Variants in CSMD3 observed in about 807,000 individuals in gnomAD.
CSMD3 encodes the protein CUB and sushi domain-containing protein 3.
In CSMD3, 177 loss-of-function variants were observed where a neutral mutation model predicts 435.2. The ratio of observed to expected loss-of-function variants is 0.41; its 90% CI spans 0.36 to 0.46. The LOEUF is 0.46. CSMD3 is among the 20% of genes least tolerant of loss of function. The pLI is 0.34. For missense variants in CSMD3, 4,265 were observed against 4,504.6 expected, an observed-to-expected ratio of 0.95 and a Z score of 1.52; for synonymous variants, 1,656 against 1,520.5, an observed-to-expected ratio of 1.09 and a Z score of -2.07.
At chr8:112,603,120 C>T (rs566491705) in intron 22 of CSMD3, among the ~76,000 whole-genome samples, 1 of 152,322 alleles carries the variant, frequency 6.6e-6, no homozygotes, top group South Asian at 2.1e-4. Flanking sequence ...TCAGGTGATA[C>T]ACCCACCTCG....
intron 5 of CSMD3, among the ~76,000 whole-genome samples, chr8:113,056,376 C>T (rs1437064246): frequency 6.6e-6 from 1 of 152,144 alleles, no homozygotes; most frequent in Non-Finnish European, 1.5e-5. Flanking sequence ...CATACCAAAG[C>T]AGAGATAAAG....
At chr8:112,784,564 CAG>C (rs1450477620) in intron 13 of CSMD3, among the ~76,000 whole-genome samples, 1 of 151,690 alleles carries the variant, frequency 6.6e-6, no homozygotes, top group African/African-American at 2.4e-5. Flanking sequence ...CGAATAAAAT[CAG>C]AGATGGAAAA....
At chr8:112,459,468 A>C (rs1817221280) in intron 32 of CSMD3, among the ~76,000 whole-genome samples, 1 of 152,026 alleles carries the variant, frequency 6.6e-6, no homozygotes, top group African/African-American at 2.4e-5. Context: ...GGGAAGGGCC[A>C]GCGGCCAGAG....
rs143421046 is a variant in CSMD3 at position 112,999,831 on chromosome 8, A to G, written c.1030+19236T>C. Among the ~76,000 whole-genome samples the G allele has an allele frequency of 5.9e-3, 903 of 152,122 alleles. 4 individuals carry two copies. The highest frequency in any genetic ancestry group is 0.019 in the African/African-American group (802 of 41,550). On this transcript the variant is annotated intron_variant, in intron 6 of 70. Coordinates refer to ENST00000297405, the MANE Select transcript of CSMD3 (RefSeq NM_198123.2). Reference sequence around the variant, plus strand: ...TTTGTCCTGAATAAATGAGAAAAAAAAAGGTCATTTGCTGATATGAGAAAG... The same window carrying G: ...TTTGTCCTGAATAAATGAGAAAAAAGAAGGTCATTTGCTGATATGAGAAAG...
rs1343585411 is a variant in CSMD3 at position 112,408,343 on chromosome 8, A to T, written c.5580T>A (p.Ala1860=). The change falls in exon 34 of 71, where the codon GCT becomes GCA. Residue 1860 remains alanine, a synonymous_variant. Transcript: ENST00000297405. The part of the protein sequence containing the change: ...IRFTSVGPIT[A]KGFHFVYQAV... ...CTTGGTAAACAAAGTGAAATCCCTT[A>T]GCTGTTATTGGTCCAACTGAAGTAA... 6.2e-7 allele frequency: 1 copy of T among 1,609,272 alleles called. No individual in the cohort carries two copies.
In CSMD3 at chr8:113,340,584, G is replaced by A. The variant is rs376472620; in HGVS notation, c.179-25791C>T. On this transcript the variant is annotated intron_variant, in intron 1 of 70. Transcript: ENST00000297405. ...ATCTGTTCTATCATTTCTGATGAAA[G>A]GGTTTGTTTGCCAAGCATGGTGGTG... Among the ~76,000 whole-genome samples, 78 of 152,122 alleles carry A rather than the reference G, an allele frequency of 5.1e-4. 2 individuals carry two copies. In the South Asian group the frequency reaches 0.015, roughly 30 times the overall value.
In CSMD3 at chr8:112,827,941, T is replaced by G. The variant is rs1450701173; in HGVS notation, c.1859+1745A>C. Among the ~76,000 whole-genome samples, 3 of 152,170 alleles carry G rather than the reference T, an allele frequency of 2.0e-5. No homozygotes were observed. The East Asian group carries it at 5.8e-4, about 29-fold the overall frequency. On this transcript the variant is annotated intron_variant, in intron 12 of 70. Transcript: ENST00000297405. ...TACAAGAAGCCATAAATTCAAATTT[T>G]TACATGTAATTTTCAGTTCCTTAAA...
intron 13 of CSMD3, among the ~76,000 whole-genome samples, chr8:112,697,344 T>C (rs1436638907): frequency 1.3e-5 from 2 of 152,122 alleles, no homozygotes; most frequent in African/African-American, 2.4e-5. Flanking sequence ...CCATCAATGA[T>C]AGACTGGGTT....
intron 12 of CSMD3, among the ~76,000 whole-genome samples, chr8:112,827,764 T>C (rs908369107): frequency 3.3e-5 from 5 of 152,134 alleles, no homozygotes; most frequent in Admixed American, 3.3e-4. Context: ...TAATTAGCTA[T>C]AGGCCCAGGC....
intron 4 of CSMD3, among the ~76,000 whole-genome samples, chr8:113,169,018 ACTAGG>A (rs2092217514): frequency 6.6e-6 from 1 of 152,172 alleles, no homozygotes; most frequent in Non-Finnish European, 1.5e-5. Flanking sequence ...TTAAAAAATT[ACTAGG>A]CTAAAGCTTC....
At chr8:113,215,079 CA>C (rs2092886559) in intron 3 of CSMD3, among the ~76,000 whole-genome samples, 1 of 151,796 alleles carries the variant, frequency 6.6e-6, no homozygotes, top group Admixed American at 6.6e-5. Context: ...AGGACAATCT[CA>C]TATATTCGTA....
At chr8:113,110,623 A>C (rs1232227088) in intron 4 of CSMD3, among the ~76,000 whole-genome samples, 1 of 151,986 alleles carries the variant, frequency 6.6e-6, no homozygotes, top group South Asian at 2.1e-4. Flanking sequence ...CTTTCTCTAC[A>C]TCTCCCCTCT....
intron 1 of CSMD3, among the ~76,000 whole-genome samples, chr8:113,383,365 G>A (rs2094425521): frequency 6.6e-6 from 1 of 151,982 alleles, no homozygotes; most frequent in East Asian, 1.9e-4. Context: ...AAACATAAAG[G>A]GACACACATA....
intron 2 of CSMD3, among the ~76,000 whole-genome samples, chr8:113,290,171 A>G (rs1161675364): frequency 6.6e-6 from 1 of 151,640 alleles, no homozygotes; most frequent in Non-Finnish European, 1.5e-5. Context: ...GATCTATTCC[A>G]TTACCAGTTT....
At chr8:113,197,141 G>T (rs2092666358) in intron 3 of CSMD3, among the ~76,000 whole-genome samples, 1 of 151,140 alleles carries the variant, frequency 6.6e-6, no homozygotes, top group Non-Finnish European at 1.5e-5. Flanking sequence ...CCAAAAACCT[G>T]AAATTCAAAA....
chr8:113,120,647 G>C (rs534078381), intron 4 of CSMD3, among the ~76,000 whole-genome samples: 52 of 152,196 alleles, frequency 3.4e-4, no homozygotes, highest in African/African-American at 1.3e-3. Flanking sequence ...TAGCCAAAAT[G>C]CATTTATCCA....
At chr8:112,252,677 G>GTGTA (rs1350986642) in intron 63 of CSMD3, among the ~76,000 whole-genome samples, 4 of 78,476 alleles carry the variant, frequency 5.1e-5, no homozygotes, top group Admixed American at 1.2e-4. Flanking sequence ...GTATGTGTGT[G>GTGTA]TGTATATATA....
At chr8:113,342,161 T>C (rs550731419) in intron 1 of CSMD3, among the ~76,000 whole-genome samples, 5 of 151,708 alleles carry the variant, frequency 3.3e-5, no homozygotes, top group African/African-American at 9.7e-5. Context: ...CTCTTAAAAG[T>C]AGAAATAATT....
At position 112,297,107 on chromosome 8, in the gene CSMD3, A is replaced by G. The variant is rs1820370159; in HGVS notation, c.8441-1101T>C. Among the ~76,000 whole-genome samples, 5 of 149,124 alleles carry G rather than the reference A, an allele frequency of 3.4e-5. No homozygotes were observed. The South Asian group carries it at 1.0e-3, about 31-fold the overall frequency. On this transcript the variant is annotated intron_variant, in intron 53 of 70. Coordinates refer to ENST00000297405, the MANE Select transcript of CSMD3 (RefSeq NM_198123.2). ...TGAATTCTTAAACAAAAACCTTCCC[A>G]CGGATTTTTTTTTTTGGCTGGGAAA...
Sources: allele counts gnomAD v4.1 joint callset (sites outside exome capture counted in the v4.1 genomes callset), GRCh38; gene constraint gnomAD v4.1.1; transcripts MANE v1.5; gene names NCBI Gene and HGNC (gene_info 2026-07-23, HGNC 2026-07-21).